EVC2: variants seen among roughly 807,000 people sequenced by gnomAD.
EVC2 encodes limbin.
Under a neutral mutation model 149.3 loss-of-function variants are expected in EVC2, and 148 were observed. The observed-to-expected ratio is 0.99, with a 90% CI of 0.87 to 1.14. The LOEUF (loss-of-function observed/expected upper bound fraction) is 1.14. EVC2 is among the 50% of genes most tolerant of loss of function. The pLI, the probability that EVC2 is intolerant of heterozygous loss-of-function variation, is 0.00. For missense variants in EVC2, 1,854 were observed against 1,627.3 expected, an observed-to-expected ratio of 1.14 and a Z score of -2.40; for synonymous variants, 776 against 649.9, an observed-to-expected ratio of 1.19 and a Z score of -2.95.
chr4:5,658,739 C>T (rs764657266), intron 9 of EVC2, among the ~76,000 whole-genome samples: 87 of 152,332 alleles, frequency 5.7e-4, no homozygotes, highest in Non-Finnish European at 1.2e-3. Context: ...CCTGTGTGAC[C>T]TTAGGGAAAA....
chr4:5,567,955 T>C lies in EVC2; in HGVS notation c.3557+489A>G, dbSNP rs1037643643. Among the ~76,000 whole-genome samples the C allele has an allele frequency of 8.5e-5, 13 of 152,250 alleles. No homozygotes were observed. The highest frequency in any genetic ancestry group is 5.9e-4 in the Admixed American group (9 of 15,290). On this transcript the variant is annotated intron_variant, in intron 20 of 21. Transcript: ENST00000344408. This position sits in a 1 kb window ranked among gnomAD's most constrained non-coding sequence, Gnocchi z 4.4. ...GTTAAAAGGTAAGGAGCAAAATCGC[T>C]TCTGCTGTAAGATTCTGAAATGCAG...
At chr4:5,621,112 A>C (rs1437775175) in intron 14 of EVC2, among the ~76,000 whole-genome samples, 1 of 152,232 alleles carries the variant, frequency 6.6e-6, no homozygotes. Context: ...CCAAGATAGT[A>C]TCAATCTTTG....
rs73198180 is a variant in EVC2 at position 5,632,163 on chromosome 4, T to C, written c.1471-131A>G. 6.0e-3 allele frequency: 7,504 copies of C among 1,240,608 alleles called. 26 individuals carry two copies. The highest frequency in any genetic ancestry group is 7.6e-3 in the Non-Finnish European group (6,795 of 899,804). 76.9% of individuals were successfully genotyped at this position (1,240,608 alleles called of 1,614,324 possible). A position where few individuals can be genotyped will look rare whatever the true frequency, so the allele number is the denominator to read the frequency against. On this transcript the variant is annotated intron_variant, in intron 10 of 21. Coordinates refer to ENST00000344408, the MANE Select transcript of EVC2 (RefSeq NM_147127.5). ...ATGAACACACAGATGCATGCACATA[T>C]GCATTACAATATATACACACATGCG... is the stretch of plus-strand genomic sequence containing the variant.
intron 7 of EVC2, among the ~76,000 whole-genome samples, chr4:5,667,451 C>T (rs1218706211): frequency 6.6e-6 from 1 of 152,074 alleles, no homozygotes; most frequent in Non-Finnish European, 1.5e-5. Flanking sequence ...GGTTTGTCAA[C>T]CCAAATCACA....
At position 5,614,415 on chromosome 4, in the gene EVC2, A is replaced by T. The variant is rs1006242247; in HGVS notation, c.2829+1007T>A. On this transcript the variant is annotated intron_variant, in intron 16 of 21. Coordinates refer to ENST00000344408, the MANE Select transcript of EVC2 (RefSeq NM_147127.5). The surrounding 1 kb of genome is among the most constrained non-coding windows in gnomAD (Gnocchi z 4.7). ...CGCCTGGGACACTGTTGCCTCCCCA[A>T]AATACTTGTGGAACAAATTAACCAT... is the stretch of plus-strand genomic sequence containing the variant. Among the ~76,000 whole-genome samples the T allele has an allele frequency of 3.9e-5, 6 of 152,278 alleles. No individual in the cohort carries two copies. Among genetic ancestry groups the T allele is most frequent in the African/African-American group, 1.4e-4 (6 of 41,560 alleles).
chr4:5,544,881 A>C (rs1393724535), intron 21 of EVC2, among the ~76,000 whole-genome samples: 1 of 152,010 alleles, frequency 6.6e-6, no homozygotes, highest in African/African-American at 2.4e-5. Flanking sequence ...AGCCCTGCCC[A>C]CCCTGGCTCC....
chr4:5,560,444 G>A (rs1721916007), downstream of EVC2, among the ~76,000 whole-genome samples: 1 of 152,138 alleles, frequency 6.6e-6, no homozygotes, highest in Non-Finnish European at 1.5e-5. The surrounding 1 kb of genome is among the most constrained non-coding windows in gnomAD (Gnocchi z 4.1). Context: ...TCTTCACAGG[G>A]CAGTGGGAAG....
Position 5,568,628 on chromosome 4 carries a change from C to T in EVC2, c.3373G>A (p.Ala1125Thr). ...ATLCSQELRL[A>T]SYLARMAMVP... is the part of the protein sequence containing the mutation. The stretch of plus-strand genomic sequence containing the variant: ...ATGGCCATCCTCGCCAGGTACGATG[C>T]CAGTCTCAGCTCCTACAGGAAACAA... Residue 1125 changes from alanine to threonine, a missense_variant, in exon 20 of 22, where the codon GCA (alanine) becomes ACA (threonine). Transcript: ENST00000344408. 2 of 1,608,052 alleles carry T rather than the reference C, an allele frequency of 1.2e-6. No homozygotes were observed. Among genetic ancestry groups the T allele is most frequent in the East Asian group, 2.2e-5 (1 of 44,846 alleles).
chr4:5,620,543 A>C (rs529686476), intron 14 of EVC2, among the ~76,000 whole-genome samples: 1 of 152,324 alleles, frequency 6.6e-6, no homozygotes, highest in Non-Finnish European at 1.5e-5. Context: ...GCTTCTAAAA[A>C]TGTGTTTCAA....
At chr4:5,638,047 A>G (rs767735591) in intron 10 of EVC2, among the ~76,000 whole-genome samples, 4 of 152,142 alleles carry the variant, frequency 2.6e-5, no homozygotes, top group Non-Finnish European at 5.9e-5. Context: ...CCACTGCCTT[A>G]AGGTACTGTC....
intron 16 of EVC2, among the ~76,000 whole-genome samples, chr4:5,594,932 C>T (rs531565025): frequency 1.5e-4 from 23 of 152,166 alleles, no homozygotes; most frequent in Non-Finnish European, 2.9e-4. Context: ...CAGAAGCCTC[C>T]GGAGCCGATG....
chr4:5,588,621 T>A (rs1359987255), intron 16 of EVC2, among the ~76,000 whole-genome samples: 1 of 152,132 alleles, frequency 6.6e-6, no homozygotes, highest in Non-Finnish European at 1.5e-5. Context: ...GCTAACTAAT[T>A]TTTTTCTGCA....
chr4:5,559,034 C>CCAAA (rs112453868), downstream of EVC2, among the ~76,000 whole-genome samples: 5,809 of 151,800 alleles, frequency 0.038, 338 homozygotes, highest in African/African-American at 0.13. The surrounding 1 kb of genome is among the most constrained non-coding windows in gnomAD (Gnocchi z 5.0). Context: ...CCCTGCAAAA[C>CCAAA]CAAACAAACA....
chr4:5,608,718 TAG>T (rs1200727647), intron 16 of EVC2, among the ~76,000 whole-genome samples: 7 of 152,100 alleles, frequency 4.6e-5, no homozygotes, highest in African/African-American at 1.7e-4. Flanking sequence ...GTATTTTTAG[TAG>T]AGACTGGGTT....
In EVC2 at chr4:5,665,532, T is replaced by C. The variant is rs1173884956; in HGVS notation, c.988A>G (p.Met330Val). The C allele has an allele frequency of 7.4e-6, 12 of 1,614,002 alleles. No individual in the cohort carries two copies. Among genetic ancestry groups the C allele is most frequent in the East Asian group, 2.2e-5 (1 of 44,878 alleles). Residue 330 changes from methionine (M) to valine (V), a missense_variant, in exon 8 of 22, where the codon ATG becomes GTG. Met to Val is a conservative substitution (Grantham distance 21, BLOSUM62 1). Coordinates refer to ENST00000344408, the MANE Select transcript of EVC2 (RefSeq NM_147127.5). ...AGACTCACCCGATGTCTGGTGAGCA[T>C]GTTTCCCTTCAGACACTGATAGCGA... ...MVRYQCLKGN[M>V]LTRHRVWQYE...
upstream of EVC2, chr4:5,708,798 G>T: frequency 3.0e-6 from 1 of 327,914 alleles, no homozygotes; most frequent in Non-Finnish European, 5.5e-6. Context: ...GAGGTTACCA[G>T]GACCCCAAGG....
chr4:5,590,014 T>C (rs1712643861), intron 16 of EVC2, among the ~76,000 whole-genome samples: 2 of 152,168 alleles, frequency 1.3e-5, no homozygotes, highest in East Asian at 1.9e-4. Flanking sequence ...GTCATGACAA[T>C]ATTGGCATTT....
At chr4:5,566,114 T>C (rs1436630094) in intron 20 of EVC2, among the ~76,000 whole-genome samples, 1 of 152,030 alleles carries the variant, frequency 6.6e-6, no homozygotes, top group Non-Finnish European at 1.5e-5. Context: ...AATACAGAAG[T>C]TGGGAAAGTA....
At chr4:5,659,243 T>G (rs1210489157) in intron 9 of EVC2, among the ~76,000 whole-genome samples, 1 of 152,266 alleles carries the variant, frequency 6.6e-6, no homozygotes, top group East Asian at 1.9e-4. Context: ...ATGCGATAAC[T>G]GATTTGCCAG....
Sources: allele counts gnomAD v4.1 joint callset (sites outside exome capture counted in the v4.1 genomes callset), GRCh38; gene constraint gnomAD v4.1.1; non-coding constraint Gnocchi (gnomAD v3.1); transcripts MANE v1.5; gene names NCBI Gene and HGNC (gene_info 2026-07-23, HGNC 2026-07-21).